The following ASB13 variants were observed in gnomAD, a reference collection of about 807,000 sequenced individuals.
ASB13 encodes the protein ankyrin repeat and SOCS box protein 13.
In ASB13, 33 loss-of-function variants were observed where a neutral mutation model predicts 28.8. That is an observed-to-expected ratio of 1.15 (90% CI 0.87 to 1.53). The LOEUF (loss-of-function observed/expected upper bound fraction) is 1.53, where lower values mean the gene tolerates loss of function less well. Ranked by LOEUF, ASB13 falls within the 40% of genes most tolerant of loss-of-function variation. The pLI is 0.00. For synonymous variants in ASB13, 182 were observed against 172.9 expected (o/e 1.05, Z -0.41); for missense variants, 414 against 390.1 (o/e 1.06, Z -0.52).
Position 5,641,736 on chromosome 10 carries a change from G to T in ASB13, c.709+34C>A. The T allele has an allele frequency of 6.5e-7, 1 of 1,539,236 alleles. No individual in the cohort carries two copies. The highest frequency in any genetic ancestry group is 2.0e-5 in the Admixed American group (1 of 51,030). On this transcript the variant is annotated intron_variant, in intron 5 of 5. Transcript: ENST00000357700. This position sits in a 1 kb window ranked among gnomAD's most constrained non-coding sequence, Gnocchi z 8.4. The stretch of plus-strand genomic sequence containing the variant: ...CGTCAGGGGTCCAGGCTGAAGGCTG[G>T]AGGGGATGGGGTGCGCTCGGTGGGG...
Position 5,638,920 on chromosome 10 carries a change from C to A in ASB13, c.*1783G>T. On this transcript the variant is annotated 3_prime_UTR_variant, in exon 6 of 6. Coordinates refer to ENST00000357700, the MANE Select transcript of ASB13 (RefSeq NM_024701.4). The stretch of plus-strand genomic sequence containing the variant: ...CAACAGCCGTGGGGACCTGATTCTG[C>A]GCTAAGTGCTCTACTGTGAGACATC... 1 of 152,406 alleles carries A rather than the reference C, an allele frequency of 6.6e-6. No individual in the cohort carries two copies. The highest frequency in any genetic ancestry group is 1.5e-5 in the Non-Finnish European group (1 of 68,024). The allele number at this position is 152,406 out of a possible 1,614,324, so 9.4% of individuals were successfully genotyped here.
Position 5,650,738 on chromosome 10 carries a change from G to A in ASB13, c.382+475C>T, listed in dbSNP as rs1018866074. On this transcript the variant is annotated intron_variant, in intron 3 of 5. Transcript: ENST00000357700. This position sits in a 1 kb window ranked among gnomAD's most constrained non-coding sequence, Gnocchi z 6.0. The stretch of plus-strand genomic sequence containing the variant: ...CCCTTTTATCTTCCCAGCATCTGCA[G>A]TCTGCCTATTCTTGGGGGGCAGATG... 1.3e-5 allele frequency among the ~76,000 whole-genome samples: 2 copies of A among 152,348 alleles called. No individual in the cohort carries two copies. The highest frequency in any genetic ancestry group is 4.1e-4 in the South Asian group (2 of 4,832).
chr10:5,647,959 GCAGGTAAACACCCACT>G (rs764418842), intron 4 of ASB13, among the ~76,000 whole-genome samples: 28,201 of 151,562 alleles, frequency 0.19, 2,836 homozygotes, highest in Middle Eastern at 0.28. Flanking sequence ...TACACACTCT[GCAGGTAAACACCCACT>G]CAGGCAAACA....
rs1835133839 is a variant in ASB13, at chr10:5,659,913, GC to G, written c.43+6595del. Among the ~76,000 whole-genome samples the G allele has an allele frequency of 6.6e-6, 1 of 152,214 alleles. No individual in the cohort carries two copies. Among genetic ancestry groups the G allele is most frequent in the South Asian group, 2.1e-4 (1 of 4,832 alleles). On this transcript the variant is annotated intron_variant, in intron 1 of 5. Coordinates refer to ENST00000357700, the MANE Select transcript of ASB13 (RefSeq NM_024701.4). The surrounding 1 kb of genome is among the most constrained non-coding windows in gnomAD (Gnocchi z 5.8). Reference sequence around the variant, plus strand: ...CTCCACTTTCCAGCCCAGGACAGTGGCCTGAGACCTAACATGATGCTTGCAC... The same window carrying G: ...CTCCACTTTCCAGCCCAGGACAGTGGCTGAGACCTAACATGATGCTTGCAC...
chr10:5,640,596 T>C lies in ASB13; in HGVS notation c.*107A>G. 7.1e-7 allele frequency: 1 copy of C among 1,411,434 alleles called. No individual in the cohort carries two copies. The highest frequency in any genetic ancestry group is 1.3e-5 in the South Asian group (1 of 79,616). 87.4% of individuals were successfully genotyped at this position (1,411,434 alleles called of 1,614,324 possible). ...TCGCAGGAAGGGACTCGAAGGAGCGTTGTTCTATCTACAGCAATCACGCTG... is the reference window on the plus strand; with the variant it reads ...TCGCAGGAAGGGACTCGAAGGAGCGCTGTTCTATCTACAGCAATCACGCTG... On this transcript the variant is annotated 3_prime_UTR_variant, in exon 6 of 6. Transcript: ENST00000357700.
rs951014229 is a variant in ASB13, at chr10:5,661,274, G to A, written c.43+5235C>T. 3.4e-4 allele frequency among the ~76,000 whole-genome samples: 51 copies of A among 152,226 alleles called. No homozygotes were observed. Among genetic ancestry groups the A allele is most frequent in the African/African-American group, 1.2e-3 (49 of 41,542 alleles). ...GCACCCACACTGGCGGGCCTCACTT[G>A]ACCCACACAGGGACTGCAACCATAA... On this transcript the variant is annotated intron_variant, in intron 1 of 5. Coordinates refer to ENST00000357700, the MANE Select transcript of ASB13 (RefSeq NM_024701.4). This position sits in a 1 kb window ranked among gnomAD's most constrained non-coding sequence, Gnocchi z 4.9.
rs1266676074 is a variant in ASB13 at position 5,638,881 on chromosome 10, CCA to C, written c.*1820_*1821del. 4 of 152,214 alleles carry C rather than the reference CCA, an allele frequency of 2.6e-5. No individual in the cohort carries two copies. The highest frequency in any genetic ancestry group is 6.5e-5 in the Admixed American group (1 of 15,284). 9.4% of individuals were successfully genotyped at this position (152,214 alleles called of 1,614,324 possible). A position where few individuals can be genotyped will look rare whatever the true frequency, so the allele number is the denominator to read the frequency against. ...GAACACAGGGATGCACTTTATTCCG[CCA>C]CTTTTATTGAGCAACAGCCGTGGGG... On this transcript the variant is annotated 3_prime_UTR_variant, in exon 6 of 6. Transcript: ENST00000357700.
At position 5,658,726 on chromosome 10, in the gene ASB13, T is replaced by C. The variant is rs1313884619; in HGVS notation, c.44-5676A>G. 6.6e-6 allele frequency among the ~76,000 whole-genome samples: 1 copy of C among 151,974 alleles called. No individual in the cohort carries two copies. The highest frequency in any genetic ancestry group is 6.5e-5 in the Admixed American group (1 of 15,274). On this transcript the variant is annotated intron_variant, in intron 1 of 5. Coordinates refer to ENST00000357700, the MANE Select transcript of ASB13 (RefSeq NM_024701.4). This position sits in a 1 kb window ranked among gnomAD's most constrained non-coding sequence, Gnocchi z 4.2. ...TTGTGTTCTGTGCTCTCTACTACAA[T>C]TAAAAATAGAAAAAAAAAATTTTTA... is the stretch of plus-strand genomic sequence containing the variant.
In ASB13 at chr10:5,656,534, G is replaced by C. The variant is rs548633149; in HGVS notation, c.44-3484C>G. 1.7e-5 allele frequency among the ~76,000 whole-genome samples: 2 copies of C among 119,362 alleles called. No homozygotes were observed. Among genetic ancestry groups the C allele is most frequent in the Non-Finnish European group, 3.6e-5 (2 of 56,214 alleles). 78.3% of individuals were successfully genotyped at this position (119,362 alleles called of 152,430 possible). A position where few individuals can be genotyped will look rare whatever the true frequency, so the allele number is the denominator to read the frequency against. ...AGCCTGGGCAACCGAGCAAGACTCC[G>C]TCTCAAGAAAAAAAAAAAAAGTCTG... On this transcript the variant is annotated intron_variant, in intron 1 of 5. Transcript: ENST00000357700. This position sits in a 1 kb window ranked among gnomAD's most constrained non-coding sequence, Gnocchi z 4.3.
chr10:5,657,983 A>G (rs900139303), intron 1 of ASB13, among the ~76,000 whole-genome samples: 1 of 151,204 alleles, frequency 6.6e-6, no homozygotes, highest in Admixed American at 6.6e-5. Context: ...CCCTGTCTCT[A>G]CTAAGAATAC....
rs777809706 is a variant in ASB13, at chr10:5,651,353, C to T, written c.242G>A (p.Arg81His). 12 of 1,606,572 alleles carry T rather than the reference C, an allele frequency of 7.5e-6. No individual in the cohort carries two copies. The highest frequency in any genetic ancestry group is 3.4e-5 in the Admixed American group (2 of 58,996). The change falls in exon 3 of 6, where the codon CGC becomes CAC. Residue 81 changes from arginine (R) to histidine (H), a missense_variant. Transcript: ENST00000357700. The surrounding 1 kb of genome is among the most constrained non-coding windows in gnomAD (Gnocchi z 5.1). ...LLAAGAQVDA[R>H]NIDGSTPLCD... ...GAGCGGGGTGCTGCCGTCGATGTTG[C>T]GAGCATCCACCTCACGGGAGGAAGA...
At chr10:5,662,177 G>A (rs1273135082) in intron 1 of ASB13, among the ~76,000 whole-genome samples, 1 of 152,016 alleles carries the variant, frequency 6.6e-6, no homozygotes, top group Non-Finnish European at 1.5e-5. Flanking sequence ...AGAAAGCTAA[G>A]GATTCATGAA....
chr10:5,664,008 A>G lies in ASB13; in HGVS notation c.43+2501T>C, dbSNP rs1835214902. Among the ~76,000 whole-genome samples, 1 of 152,174 alleles carries G rather than the reference A, an allele frequency of 6.6e-6. No homozygotes were observed. ...TACCTGGATGGGGAGACATAAATCC[A>G]TATAAACAAGTAGAAAACAAACAGG... is the stretch of plus-strand genomic sequence containing the variant. On this transcript the variant is annotated intron_variant, in intron 1 of 5. Transcript: ENST00000357700. This position sits in a 1 kb window ranked among gnomAD's most constrained non-coding sequence, Gnocchi z 4.2.
In ASB13 at chr10:5,650,455, T is replaced by C. The variant is rs1489062389; in HGVS notation, c.382+758A>G. Reference sequence around the variant, plus strand: ...GGTGAGCCACATGCAGCCATGGCCCTGCCAGCACCGTGGAAGGGCACATAC... The same window carrying C: ...GGTGAGCCACATGCAGCCATGGCCCCGCCAGCACCGTGGAAGGGCACATAC... On this transcript the variant is annotated intron_variant, in intron 3 of 5. Transcript: ENST00000357700. The surrounding 1 kb of genome is among the most constrained non-coding windows in gnomAD (Gnocchi z 6.0). Among the ~76,000 whole-genome samples the C allele has an allele frequency of 6.6e-6, 1 of 152,240 alleles. No individual in the cohort carries two copies. Among genetic ancestry groups the C allele is most frequent in the Admixed American group, 6.5e-5 (1 of 15,280 alleles).
At chr10:5,648,709 C>T (rs1294087851) in intron 4 of ASB13, among the ~76,000 whole-genome samples, 1 of 150,906 alleles carries the variant, frequency 6.6e-6, no homozygotes, top group Non-Finnish European at 1.5e-5. Context: ...CAAACACCCC[C>T]GGGGGTAAAC....
rs1368283695 is a variant in ASB13, at chr10:5,651,201, C to G, written c.382+12G>C. ...AGCCCAGCTGGGCCAGCCCAGCCGT[C>G]TGCCAACTCACCGCTCATGCAGGCC... On this transcript the variant is annotated intron_variant, in intron 3 of 5. Coordinates refer to ENST00000357700, the MANE Select transcript of ASB13 (RefSeq NM_024701.4). The surrounding 1 kb of genome is among the most constrained non-coding windows in gnomAD (Gnocchi z 5.1). 1 of 1,596,128 alleles carries G rather than the reference C, an allele frequency of 6.3e-7. No individual in the cohort carries two copies. The highest frequency in any genetic ancestry group is 2.3e-5 in the East Asian group (1 of 43,974).
intron 1 of ASB13, among the ~76,000 whole-genome samples, chr10:5,653,444 C>T (rs1369232286): frequency 6.6e-6 from 1 of 152,186 alleles, no homozygotes; most frequent in African/African-American, 2.4e-5. Context: ...CCAGGTGGGC[C>T]CAGGTAAAAC....
At chr10:5,666,481 C>A in intron 1 of ASB13, 28 bp downstream of exon 1, 1 of 1,297,372 alleles carries the variant, frequency 7.7e-7, no homozygotes, top group Non-Finnish European at 9.8e-7. Flanking sequence ...CGCTGCCTCG[C>A]TCTGACCTCC....
rs5782851 is a variant in ASB13, at chr10:5,652,026, CCA to C, written c.232-665_232-664del. 0.43 allele frequency among the ~76,000 whole-genome samples: 26,611 copies of C among 62,342 alleles called. 4,723 individuals are homozygous for C. Among genetic ancestry groups the C allele is most frequent in the Middle Eastern group, 0.57 (47 of 82 alleles). The allele number at this position is 62,342 out of a possible 152,430, so 40.9% of individuals were successfully genotyped here. On this transcript the variant is annotated intron_variant, in intron 2 of 5. Transcript: ENST00000357700. The surrounding 1 kb of genome is among the most constrained non-coding windows in gnomAD (Gnocchi z 5.0). ...CAAAAAAAAAAAAAAAAAAAAAAAA[CCA>C]CACACACACACACACACACACACAC...
Sources: gnomAD v4.1 joint callset for allele counts (sites outside exome capture counted in the v4.1 genomes callset) on GRCh38, gnomAD v4.1.1 for gene constraint, Gnocchi (gnomAD v3.1) non-coding constraint, MANE v1.5 for transcripts, NCBI Gene and HGNC (gene_info 2026-07-23, HGNC 2026-07-21) for gene names.